The following MGAT4B variants were observed in gnomAD, a reference collection of about 807,000 sequenced individuals.
MGAT4B encodes alpha-1,3-mannosyl-glycoprotein 4-beta-N-acetylglucosaminyltransferase B.
In MGAT4B, 38 loss-of-function variants were observed where a neutral mutation model predicts 73.9. The ratio of observed to expected loss-of-function variants is 0.51; its 90% CI spans 0.40 to 0.67. The LOEUF (loss-of-function observed/expected upper bound fraction) is 0.67. Ranked by LOEUF, MGAT4B falls within the 30% of genes least tolerant of loss-of-function variation. The probability of loss-of-function intolerance (pLI) is 0.00; values close to 1 mark genes in which losing one functional copy is unlikely to be tolerated. For synonymous variants in MGAT4B, 373 were observed against 313.5 expected (o/e 1.19, Z -2.01); for missense variants, 686 against 735.2 (o/e 0.93, Z 0.77).
rs1022091344 is a variant in MGAT4B, at chr5:179,799,659, G to A, written c.911-23C>T. 4 of 1,613,056 alleles carry A rather than the reference G, an allele frequency of 2.5e-6. No homozygotes were observed. The African/African-American group carries it at 5.3e-5, about 22-fold the overall frequency. On this transcript the variant is annotated intron_variant, in intron 8 of 14. Transcript: ENST00000292591. ...TACCTGGTGGGGAGGGGCCTGAGTG[G>A]GCAGTGCTGCTCTGCCTACTTCCTT... is the stretch of plus-strand genomic sequence containing the variant.
rs745677500 is a variant in MGAT4B, at chr5:179,801,471, TG to T, written c.425-5del. On this transcript the variant is annotated splice_region_variant and splice_polypyrimidine_tract_variant and intron_variant, in intron 3 of 14. Coordinates refer to ENST00000292591, the MANE Select transcript of MGAT4B (RefSeq NM_014275.5). This position sits in a 1 kb window ranked among gnomAD's most constrained non-coding sequence, Gnocchi z 4.8. ...GGGATGCCCATCACCACCGACACTATGGGGGACGGAGGCCCGACGCTGGAAA... is the reference window on the plus strand; with the variant it reads ...GGGATGCCCATCACCACCGACACTATGGGGACGGAGGCCCGACGCTGGAAA... The T allele has an allele frequency of 1.2e-6, 2 of 1,604,882 alleles. No individual in the cohort carries two copies. The highest frequency in any genetic ancestry group is 2.2e-5 in the South Asian group (2 of 90,906).
intron 1 of MGAT4B, among the ~76,000 whole-genome samples, chr5:179,805,541 G>A (rs1267478497): frequency 1.3e-5 from 2 of 152,242 alleles, no homozygotes; most frequent in South Asian, 2.1e-4. Flanking sequence ...TGCGGCAGGC[G>A]GGCGTGCTGG....
chr5:179,800,400 G>C, intron 6 of MGAT4B, 84 bp downstream of exon 6: 1 of 1,426,454 alleles, frequency 7.0e-7, no homozygotes, highest in Non-Finnish European at 9.8e-7. Context: ...GCACTGCAGG[G>C]AAACACCCTG....
rs1252251500 is a variant in MGAT4B at position 179,798,039 on chromosome 5, C to T, written c.*6G>A. 3.7e-6 allele frequency: 6 copies of T among 1,607,296 alleles called. No homozygotes were observed. Among genetic ancestry groups the T allele is most frequent in the South Asian group, 2.2e-5 (2 of 89,956 alleles). ...TGGCCACAGGGTACCCTCAGAAGCC[C>T]GCAGCTTAGTCGGCCTTTTTCAGGA... On this transcript the variant is annotated 3_prime_UTR_variant, in exon 15 of 15. Transcript: ENST00000292591.
rs963868723 is a variant in MGAT4B, at chr5:179,799,745, G to A, written c.911-109C>T. 77 of 1,503,960 alleles carry A rather than the reference G, an allele frequency of 5.1e-5. No homozygotes were observed. In the Admixed American group the frequency reaches 6.6e-4, roughly 13 times the overall value. The allele number at this position is 1,503,960 out of a possible 1,614,324, so 93.2% of individuals were successfully genotyped here. A position where few individuals can be genotyped will look rare whatever the true frequency, so the allele number is the denominator to read the frequency against. On this transcript the variant is annotated intron_variant, in intron 8 of 14. Coordinates refer to ENST00000292591, the MANE Select transcript of MGAT4B (RefSeq NM_014275.5). ...CCAGGGGCAGGCTTCAGGCAGGTGTGGGCATAACGGGGCAGGGAGGCAGAC... is the reference window on the plus strand; with the variant it reads ...CCAGGGGCAGGCTTCAGGCAGGTGTAGGCATAACGGGGCAGGGAGGCAGAC...
rs754317194 is a variant in MGAT4B, at chr5:179,798,153, G to C, written c.1623+12C>G. 7.6e-6 allele frequency: 12 copies of C among 1,588,544 alleles called. No individual in the cohort carries two copies. In the Admixed American group the frequency reaches 1.1e-4, roughly 14 times the overall value. ...TGCTCCCCGTGCCTGGCCTGGCCCT[G>C]CCCAGCCTCACCTCGCTCAGAATCA... is the stretch of plus-strand genomic sequence containing the variant. On this transcript the variant is annotated intron_variant, in intron 14 of 14. Transcript: ENST00000292591.
Position 179,799,612 on chromosome 5 carries a change from A to C in MGAT4B, c.935T>G (p.Leu312Arg). ...GAGAATGAACTCTACAATCAGGCTC[A>C]GGTCCAGCGACTTGAACATCTTACC... ...FIGKMFKSLDLSLIVEFILMF... is the reference protein window; with the variant it reads ...FIGKMFKSLDRSLIVEFILMF... The change falls in exon 9 of 15, where the codon CTG becomes CGG. Residue 312 changes from leucine to arginine, a missense_variant. Physicochemically the swap from Leu to Arg is moderately radical, Grantham distance 102 (BLOSUM62 -2). This residue lies in a region of MGAT4B where 449 missense variants were observed against 536.8 expected (regional missense o/e 0.84). Coordinates refer to ENST00000292591, the MANE Select transcript of MGAT4B (RefSeq NM_014275.5). 6.2e-7 allele frequency: 1 copy of C among 1,613,856 alleles called. No homozygotes were observed.
chr5:179,798,099 C>T, intron 14 of MGAT4B, 31 bp from the exon 15 acceptor site: 1 of 1,606,010 alleles, frequency 6.2e-7, no homozygotes, highest in Non-Finnish European at 8.5e-7. Context: ...GTCAGCAGGG[C>T]CTCTGAGCTC....
At chr5:179,799,382 A>C in intron 9 of MGAT4B, 72 bp from the exon 10 acceptor site, 1 of 1,598,686 alleles carries the variant, frequency 6.3e-7, no homozygotes, top group South Asian at 1.1e-5. Flanking sequence ...CCTGGGGACT[A>C]CCAGGGCCCT....
chr5:179,803,283 G>C, intron 1 of MGAT4B: 2 of 985,358 alleles, frequency 2.0e-6, no homozygotes, highest in African/African-American at 1.7e-5. Flanking sequence ...GGAGCCTCTG[G>C]ACAGCCCCTG....
rs1314375606 is a variant in MGAT4B at position 179,801,321 on chromosome 5, C to T, written c.558+13G>A. ...TCTGAATGTCCCCCAACCCCGCGTC[C>T]CGGCTCACTCGCCTCGGCGATCAGC... On this transcript the variant is annotated intron_variant, in intron 4 of 14. Transcript: ENST00000292591. This position sits in a 1 kb window ranked among gnomAD's most constrained non-coding sequence, Gnocchi z 4.8. 6.2e-7 allele frequency: 1 copy of T among 1,603,622 alleles called. No individual in the cohort carries two copies. Among genetic ancestry groups the T allele is most frequent in the Non-Finnish European group, 8.5e-7 (1 of 1,173,274 alleles).
intron 8 of MGAT4B, 135 bp downstream of exon 8, chr5:179,799,819 A>T: frequency 1.6e-6 from 2 of 1,223,660 alleles, no homozygotes; most frequent in Non-Finnish European, 2.4e-6. Context: ...AGAACAGGCC[A>T]GGTGGGGCTG....
intron 5 of MGAT4B, 140 bp from the exon 6 acceptor site, chr5:179,800,737 G>A: frequency 2.1e-6 from 2 of 973,812 alleles, no homozygotes; most frequent in Non-Finnish European, 3.1e-6. Context: ...TGAGGTAGCA[G>A]AGCTCCAGAG....
At position 179,806,410 on chromosome 5, in the gene MGAT4B, C is replaced by A. The variant is rs1197359111; in HGVS notation, c.97+77G>T. ...CCTGCGTCGGCTTCCGGCCGCCTTC[C>A]GCGGCCACCGCCGGGCCCGCTCCCG... On this transcript the variant is annotated intron_variant, in intron 1 of 14. Transcript: ENST00000292591. This position sits in a 1 kb window ranked among gnomAD's most constrained non-coding sequence, Gnocchi z 4.6. 1.9e-5 allele frequency: 18 copies of A among 945,312 alleles called. No homozygotes were observed. Among genetic ancestry groups the A allele is most frequent in the Non-Finnish European group, 2.2e-5 (17 of 765,684 alleles). 58.6% of individuals were successfully genotyped at this position (945,312 alleles called of 1,614,324 possible).
In MGAT4B at chr5:179,806,491, C is replaced by G. The variant is rs1376584029; in HGVS notation, c.93G>C (p.Gln31His). Reference sequence around the variant, plus strand: ...CCGGGCGGGGGTCGCGCTCACCTTTCTGGCCGCTGAGTGCCGCGTACCAGG... The same window carrying G: ...CCGGGCGGGGGTCGCGCTCACCTTTGTGGCCGCTGAGTGCCGCGTACCAGG... ...SLSWYAALSG[Q>H]KGDVVDVYQR... The change falls in exon 1 of 15, where the codon CAG becomes CAC. Residue 31 changes from glutamine (Q) to histidine (H), a missense_variant. Coordinates refer to ENST00000292591, the MANE Select transcript of MGAT4B (RefSeq NM_014275.5). The surrounding 1 kb of genome is among the most constrained non-coding windows in gnomAD (Gnocchi z 4.6). 6.9e-6 allele frequency: 9 copies of G among 1,306,778 alleles called. No homozygotes were observed. The Admixed American group carries it at 1.6e-4, about 23-fold the overall frequency. 80.9% of individuals were successfully genotyped at this position (1,306,778 alleles called of 1,614,324 possible).
chr5:179,798,827 T>A, intron 11 of MGAT4B, 101 bp downstream of exon 11: 3 of 1,399,092 alleles, frequency 2.1e-6, no homozygotes, highest in Non-Finnish European at 3.0e-6. Flanking sequence ...CCACTTCAGA[T>A]GCGGAAACTG....
chr5:179,802,001 G>T (rs1756966978), intron 1 of MGAT4B, 32 bp from the exon 2 acceptor site: 1 of 1,613,256 alleles, frequency 6.2e-7, no homozygotes, highest in Admixed American at 1.7e-5. Context: ...TCACGAGGGG[G>T]CGGTCTAGAG....
At chr5:179,804,038 C>T (rs1315060083) in intron 1 of MGAT4B, among the ~76,000 whole-genome samples, 1 of 152,250 alleles carries the variant, frequency 6.6e-6, no homozygotes, top group Non-Finnish European at 1.5e-5. Flanking sequence ...GCCACACTTT[C>T]TTGCCTCAGG....
At position 179,801,596 on chromosome 5, in the gene MGAT4B, T is replaced by A; in HGVS notation, c.382A>T (p.Ser128Cys). The A allele has an allele frequency of 6.2e-7, 1 of 1,607,692 alleles. No individual in the cohort carries two copies. The highest frequency in any genetic ancestry group is 8.5e-7 in the Non-Finnish European group (1 of 1,178,122). Residue 128 changes from serine (S) to cysteine (C), a missense_variant, in exon 3 of 15, where the codon AGT becomes TGT. Around this residue, in one of 2 missense-constraint regions of MGAT4B, gnomAD observed 237 missense variants for 198.5 expected, o/e 1.19. Transcript: ENST00000292591. The surrounding 1 kb of genome is among the most constrained non-coding windows in gnomAD (Gnocchi z 4.8). The stretch of plus-strand genomic sequence containing the variant: ...CCCACGCGCACCGCGGGCTGCAGAC[T>A]GCTCTCCTTGGCCAGCAGGTGTGGC... Reference protein sequence around the residue: ...HLPHLLAKESSLQPAVRVGQG... With the variant: ...HLPHLLAKESCLQPAVRVGQG...
Sources: allele counts gnomAD v4.1 joint callset (sites outside exome capture counted in the v4.1 genomes callset), GRCh38; gene constraint gnomAD v4.1.1; regional missense constraint gnomAD v4.1.1; non-coding constraint Gnocchi (gnomAD v3.1); transcripts MANE v1.5; gene names NCBI Gene and HGNC (gene_info 2026-07-23, HGNC 2026-07-21).